RPGRIP1L: variants seen among roughly 807,000 people sequenced by gnomAD.
RPGRIP1L encodes protein fantom.
RPGRIP1L carries 131 observed loss-of-function variants against 160.4 expected under a neutral mutation model. That is an observed-to-expected ratio of 0.82 (90% CI 0.71 to 0.94). The LOEUF is 0.94. RPGRIP1L is among the 40% of genes least tolerant of loss of function. The pLI, the probability that RPGRIP1L is intolerant of heterozygous loss-of-function variation, is 0.00. For missense variants in RPGRIP1L, 1,522 were observed against 1,535.8 expected (o/e 0.99, Z 0.15); for synonymous variants, 510 against 515.8 (o/e 0.99, Z 0.15).
At chr16:53,662,708 C>T (rs1332351219) in intron 10 of RPGRIP1L, among the ~76,000 whole-genome samples, 2 of 151,794 alleles carry the variant, frequency 1.3e-5, no homozygotes, top group African/African-American at 4.8e-5. Context: ...TGTAACATTC[C>T]CACAAAGAAA....
intron 6 of RPGRIP1L, among the ~76,000 whole-genome samples, chr16:53,684,414 T>C (rs1237394904): frequency 6.6e-6 from 1 of 152,156 alleles, no homozygotes; most frequent in African/African-American, 2.4e-5. Context: ...TATGCAGCCT[T>C]AAAAAATGAT....
At chr16:53,698,772 G>A (rs1477752556) in intron 2 of RPGRIP1L, among the ~76,000 whole-genome samples, 8 of 149,762 alleles carry the variant, frequency 5.3e-5, no homozygotes, top group Non-Finnish European at 1.0e-4. Flanking sequence ...AGGTGGGGGG[G>A]TCAGCCCCCC....
At position 53,641,096 on chromosome 16, in the gene RPGRIP1L, T is replaced by C; in HGVS notation, c.2895A>G (p.Arg965=). Residue 965 remains arginine (R), a synonymous_variant, in exon 19 of 27, where the codon AGA becomes AGG. Coordinates refer to ENST00000647211, the MANE Select transcript of RPGRIP1L (RefSeq NM_015272.5). ...TLVLAPRPKP[R]QRLTPVDKKV... ...TCTTATCTACAGGTGTTAAACGTTG[T>C]CTTGGTTTAGGTCTTGGTGCCTAAG... The C allele has an allele frequency of 6.2e-7, 1 of 1,613,874 alleles. No homozygotes were observed. The highest frequency in any genetic ancestry group is 1.3e-5 in the African/African-American group (1 of 75,052).
At chr16:53,604,097 T>C (rs1963528372) in intron 26 of RPGRIP1L, among the ~76,000 whole-genome samples, 2 of 152,232 alleles carry the variant, frequency 1.3e-5, no homozygotes, top group Non-Finnish European at 2.9e-5. Flanking sequence ...TTAAAAGGGT[T>C]CAGGTTAATA....
chr16:53,663,850 A>G (rs1431526337), intron 10 of RPGRIP1L, among the ~76,000 whole-genome samples: 4 of 152,214 alleles, frequency 2.6e-5, no homozygotes, highest in African/African-American at 9.6e-5. Context: ...TCACACTGAA[A>G]TTTAAAAATG....
At chr16:53,632,726 T>A (rs753629808) in intron 22 of RPGRIP1L, among the ~76,000 whole-genome samples, 2 of 152,308 alleles carry the variant, frequency 1.3e-5, no homozygotes, top group South Asian at 2.1e-4. Flanking sequence ...GAACAAGCCA[T>A]GCACTACGTT....
At chr16:53,605,293 C>A in intron 26 of RPGRIP1L, 188 bp downstream of exon 26, 1 of 636,912 alleles carries the variant, frequency 1.6e-6, no homozygotes, top group Non-Finnish European at 2.8e-6. Flanking sequence ...CAAAGGAAAG[C>A]AGGGGGGAGG....
intron 12 of RPGRIP1L, 125 bp from the exon 13 acceptor site, chr16:53,657,757 C>G: frequency 1.6e-6 from 1 of 632,766 alleles, no homozygotes; most frequent in Non-Finnish European, 2.7e-6. Context: ...TAATTGAAAA[C>G]AGACAAAGGA....
intron 3 of RPGRIP1L, among the ~76,000 whole-genome samples, chr16:53,693,040 T>C (rs190449435): frequency 6.6e-6 from 1 of 152,334 alleles, no homozygotes; most frequent in Admixed American, 6.5e-5. Context: ...GTTTATACCT[T>C]TGATTCTTTT....
Position 53,602,155 on chromosome 16 carries a change from C to G in RPGRIP1L, c.3869G>C (p.Gly1290Ala). The G allele has an allele frequency of 6.2e-7, 1 of 1,613,698 alleles. No homozygotes were observed. The highest frequency in any genetic ancestry group is 8.5e-7 in the Non-Finnish European group (1 of 1,179,700). The change falls in exon 27 of 27, where the codon GGC becomes GCC. Residue 1290 changes from glycine (G) to alanine (A), a missense_variant. Gly to Ala is a moderately conservative substitution (Grantham distance 60, BLOSUM62 0). Coordinates refer to ENST00000647211, the MANE Select transcript of RPGRIP1L (RefSeq NM_015272.5). ...AGCTTCGACTGTTACCCTGAGCTTG[C>G]CAATACCTTCACCATCTGCTCGTGC... Reference protein sequence around the residue: ...FDARADGEGIGKLRVTVEALH... With the variant: ...FDARADGEGIAKLRVTVEALH...
At chr16:53,635,267 T>C (rs186365132) in intron 22 of RPGRIP1L, among the ~76,000 whole-genome samples, 18 of 152,296 alleles carry the variant, frequency 1.2e-4, no homozygotes, top group East Asian at 1.2e-3. Flanking sequence ...CATGGTTCTA[T>C]TGCAGGTCTA....
chr16:53,623,569 ATC>A (rs1964879430), intron 22 of RPGRIP1L, among the ~76,000 whole-genome samples: 1 of 152,084 alleles, frequency 6.6e-6, no homozygotes, highest in African/African-American at 2.4e-5. Flanking sequence ...CAGTTTTTGC[ATC>A]TGTTATTTAT....
At position 53,598,428 on chromosome 16, in the gene RPGRIP1L, A is replaced by C. The variant is rs916241339; in HGVS notation, c.*3648T>G. The C allele has an allele frequency of 6.6e-6, 1 of 152,182 alleles. No individual in the cohort carries two copies. The highest frequency in any genetic ancestry group is 1.5e-5 in the Non-Finnish European group (1 of 68,036). The allele number at this position is 152,182 out of a possible 1,614,324, so 9.4% of individuals were successfully genotyped here. A position where few individuals can be genotyped will look rare whatever the true frequency, so the allele number is the denominator to read the frequency against. The stretch of plus-strand genomic sequence containing the variant: ...AAAGGGCAAGAACAAAAGGTATAAG[A>C]ATACCAGTAATATGGGTCCAATTTT... On this transcript the variant is annotated 3_prime_UTR_variant, in exon 27 of 27. Transcript: ENST00000647211.
Position 53,658,781 on chromosome 16 carries a change from C to G in RPGRIP1L, c.1341G>C (p.Leu447Phe), listed in dbSNP as rs61743997. 5.0e-6 allele frequency: 8 copies of G among 1,591,940 alleles called. No individual in the cohort carries two copies. The highest frequency in any genetic ancestry group is 5.2e-6 in the Non-Finnish European group (6 of 1,164,076). Residue 447 changes from leucine (L) to phenylalanine (F), a missense_variant, in exon 11 of 27, where the codon TTG (leucine) becomes TTC (phenylalanine). Transcript: ENST00000647211. The part of the protein sequence containing the change: ...QLDELKKRIK[L>F]YNQENDINAD... ...TAAGGAAATAATTCACCTGGTTGTA[C>G]AATTTTATGCGTTTTTTAAGTTCAT...
chr16:53,621,559 T>C (rs1964714446), intron 23 of RPGRIP1L, among the ~76,000 whole-genome samples: 1 of 151,994 alleles, frequency 6.6e-6, no homozygotes, highest in Non-Finnish European at 1.5e-5. Context: ...TAATGCTACA[T>C]GAATCAACTT....
chr16:53,672,103 A>G (rs1415302374), intron 8 of RPGRIP1L, among the ~76,000 whole-genome samples: 6 of 152,202 alleles, frequency 3.9e-5, no homozygotes, highest in Admixed American at 3.3e-4. Context: ...GAATAAATGA[A>G]TAAACAAACT....
rs749106345 is a variant in RPGRIP1L, at chr16:53,641,050, T to C, written c.2941A>G (p.Met981Val). 3 of 1,611,960 alleles carry C rather than the reference T, an allele frequency of 1.9e-6. No homozygotes were observed. Among genetic ancestry groups the C allele is most frequent in the Non-Finnish European group, 2.5e-6 (3 of 1,178,062 alleles). Residue 981 changes from methionine (M) to valine (V), a missense_variant, in exon 19 of 27, where the codon ATG becomes GTG. Physicochemically the swap from Met to Val is conservative, Grantham distance 21. Transcript: ENST00000647211. ...VDKKVSFVDI[M>V]PHQSDETSPP... The stretch of plus-strand genomic sequence containing the variant: ...CTACTTACATCACTCTGATGTGGCA[T>C]GATATCCACGAAAGATACCTTCTTA...
In RPGRIP1L at chr16:53,635,265, T is replaced by C. The variant is rs2151024231; in HGVS notation, c.3294+1174A>G. 3.9e-5 allele frequency among the ~76,000 whole-genome samples: 6 copies of C among 152,328 alleles called. 2 individuals carry two copies. The Middle Eastern group carries it at 0.02, about 518-fold the overall frequency. On this transcript the variant is annotated intron_variant, in intron 22 of 26. Coordinates refer to ENST00000647211, the MANE Select transcript of RPGRIP1L (RefSeq NM_015272.5). Reference sequence around the variant, plus strand: ...CACGTTGCCAACATACACATGGTTCTATTGCAGGTCTAAGTAGGAGTTTTC... The same window carrying C: ...CACGTTGCCAACATACACATGGTTCCATTGCAGGTCTAAGTAGGAGTTTTC...
rs917913132 is a variant in RPGRIP1L, at chr16:53,599,919, G to T, written c.*2157C>A. On this transcript the variant is annotated 3_prime_UTR_variant, in exon 27 of 27. Coordinates refer to ENST00000647211, the MANE Select transcript of RPGRIP1L (RefSeq NM_015272.5). The stretch of plus-strand genomic sequence containing the variant: ...TTTGAAACTGAATATTTTAAAACTA[G>T]ATATCTTTAATATGACAGTAAACAA... 6 of 152,180 alleles carry T rather than the reference G, an allele frequency of 3.9e-5. No homozygotes were observed. Among genetic ancestry groups the T allele is most frequent in the Admixed American group, 3.9e-4 (6 of 15,286 alleles). 9.4% of individuals were successfully genotyped at this position (152,180 alleles called of 1,614,324 possible). A position where few individuals can be genotyped will look rare whatever the true frequency, so the allele number is the denominator to read the frequency against.
Sources: gnomAD v4.1 joint callset for allele counts (sites outside exome capture counted in the v4.1 genomes callset) on GRCh38, gnomAD v4.1.1 for gene constraint, MANE v1.5 for transcripts, NCBI Gene and HGNC (gene_info 2026-07-23, HGNC 2026-07-21) for gene names.